Variants in AGBL1 observed in about 807,000 individuals in gnomAD.
AGBL1 encodes the protein cytosolic carboxypeptidase 4.
A neutral mutation model predicts 118.9 loss-of-function variants in AGBL1; 130 were observed. The observed-to-expected ratio is 1.09, with a 90% confidence interval of 0.95 to 1.26. AGBL1 has a LOEUF of 1.26. Among genes scored for constraint, AGBL1 ranks in the 50% most tolerant of loss-of-function variants. AGBL1 has a pLI of 0.00. For missense variants in AGBL1, 1,584 were observed against 1,298.1 expected, an observed-to-expected ratio of 1.22 and a Z score of -3.38; for synonymous variants, 555 against 478.9, an observed-to-expected ratio of 1.16 and a Z score of -2.08.
At chr15:86,481,799 G>A (rs550883599) in intron 18 of AGBL1, among the ~76,000 whole-genome samples, 1 of 152,080 alleles carries the variant, frequency 6.6e-6, no homozygotes, top group South Asian at 2.1e-4. Context: ...CGGTCACCTG[G>A]TTTGTTGTTC....
intron 21 of AGBL1, among the ~76,000 whole-genome samples, chr15:86,665,672 C>G (rs2085631851): frequency 1.3e-5 from 2 of 152,022 alleles, no homozygotes; most frequent in Non-Finnish European, 2.9e-5. Context: ...CATTGAAAAA[C>G]CTTCTCCTGG....
chr15:86,729,396 T>C (rs1015554775), intron 22 of AGBL1, among the ~76,000 whole-genome samples: 59 of 152,150 alleles, frequency 3.9e-4, no homozygotes, highest in African/African-American at 1.3e-3. Flanking sequence ...GTAGTGAGCA[T>C]AGTACCCAAT....
chr15:86,486,129 G>C (rs975564964), intron 18 of AGBL1, among the ~76,000 whole-genome samples: 1 of 152,092 alleles, frequency 6.6e-6, no homozygotes, highest in Non-Finnish European at 1.5e-5. Context: ...ATGGCTGGCT[G>C]ACAGTTTTGT....
intron 6 of AGBL1, among the ~76,000 whole-genome samples, chr15:86,245,768 C>T (rs186908659): frequency 3.3e-5 from 5 of 152,300 alleles, no homozygotes; most frequent in East Asian, 1.9e-4. Context: ...GGTGGGCTTC[C>T]GAACTTTACC....
chr15:86,178,287 C>T (rs1899855), intron 5 of AGBL1, among the ~76,000 whole-genome samples: 123,719 of 152,128 alleles, frequency 0.81, 50,612 homozygotes, highest in African/African-American at 0.88. Context: ...CACTCCAGCC[C>T]GATGACAGAG....
intron 22 of AGBL1, among the ~76,000 whole-genome samples, chr15:86,831,260 C>T (rs2079100332): frequency 6.6e-6 from 1 of 152,098 alleles, no homozygotes; most frequent in African/African-American, 2.4e-5. Flanking sequence ...TCATTAAACC[C>T]CTGTACCCTC....
intron 23 of AGBL1, among the ~76,000 whole-genome samples, chr15:86,940,816 A>G (rs2080741751): frequency 6.6e-6 from 1 of 152,140 alleles, no homozygotes; most frequent in Admixed American, 6.5e-5. Context: ...TCACTTTTCT[A>G]TTGTTTTGTT....
intron 18 of AGBL1, among the ~76,000 whole-genome samples, chr15:86,434,272 T>G (rs558726232): frequency 6.6e-6 from 1 of 152,234 alleles, no homozygotes; most frequent in African/African-American, 2.4e-5. Context: ...CCCAGTTATC[T>G]GACAACATGT....
At chr15:86,981,566 T>C (rs1239675963) in intron 23 of AGBL1, among the ~76,000 whole-genome samples, 1 of 152,238 alleles carries the variant, frequency 6.6e-6, no homozygotes, top group Admixed American at 6.5e-5. Context: ...TAAGTGCTCT[T>C]TACATAGTTC....
At chr15:86,463,800 T>A (rs192479053) in intron 18 of AGBL1, among the ~76,000 whole-genome samples, 123 of 152,332 alleles carry the variant, frequency 8.1e-4, no homozygotes, top group African/African-American at 2.9e-3. Context: ...TTGGTCTATA[T>A]ATCTGTTTTC....
At chr15:86,599,475 A>G (rs940916958) in intron 21 of AGBL1, among the ~76,000 whole-genome samples, 7 of 151,858 alleles carry the variant, frequency 4.6e-5, no homozygotes, top group Admixed American at 3.9e-4. Context: ...CTCTGGCTTT[A>G]TTTTTATGTT....
Position 86,079,955 on chromosome 15 carries a change from C to T in AGBL1, c.-18C>T, listed in dbSNP as rs1895155609. 8.1e-7 allele frequency: 1 copy of T among 1,232,156 alleles called. No individual in the cohort carries two copies. Among genetic ancestry groups the T allele is most frequent in the Non-Finnish European group, 1.0e-6 (1 of 987,952 alleles). 76.3% of individuals were successfully genotyped at this position (1,232,156 alleles called of 1,614,324 possible). Reference sequence around the variant, plus strand: ...GGATCTGGCCGCAGGCAGCGGTTCCCTAGGACCCGAGAAAAGGATGGCCGA... The same window carrying T: ...GGATCTGGCCGCAGGCAGCGGTTCCTTAGGACCCGAGAAAAGGATGGCCGA... On this transcript the variant is annotated 5_prime_UTR_variant, in exon 1 of 23. Transcript: ENST00000614907.
chr15:86,822,533 G>C (rs1187427886), intron 22 of AGBL1, among the ~76,000 whole-genome samples: 1 of 152,126 alleles, frequency 6.6e-6, no homozygotes. Flanking sequence ...GATATGCAGT[G>C]GTTGTGGTGA....
intron 18 of AGBL1, among the ~76,000 whole-genome samples, chr15:86,500,839 T>C (rs566834417): frequency 1.3e-5 from 2 of 151,920 alleles, no homozygotes; most frequent in Admixed American, 1.3e-4. Flanking sequence ...ATTTTGTTTC[T>C]TTCTATGGCT....
intron 5 of AGBL1, among the ~76,000 whole-genome samples, chr15:86,182,829 A>C (rs1481362277): frequency 6.6e-6 from 1 of 152,164 alleles, no homozygotes; most frequent in Non-Finnish European, 1.5e-5. Flanking sequence ...AGGAAACCCT[A>C]GTAGTACAAT....
At chr15:86,564,711 T>C (rs1047829304) in intron 21 of AGBL1, among the ~76,000 whole-genome samples, 1 of 152,238 alleles carries the variant, frequency 6.6e-6, no homozygotes, top group African/African-American at 2.4e-5. Context: ...TCCTGGATAA[T>C]ATCTTGCAGA....
chr15:86,866,903 C>T (rs1406949948), intron 22 of AGBL1, among the ~76,000 whole-genome samples: 1 of 152,154 alleles, frequency 6.6e-6, no homozygotes, highest in Non-Finnish European at 1.5e-5. Context: ...AAAAGCTTCC[C>T]AGAGAAGAGA....
At chr15:86,958,985 A>T (rs149017163) in intron 23 of AGBL1, among the ~76,000 whole-genome samples, 237 of 152,264 alleles carry the variant, frequency 1.6e-3, no homozygotes, top group African/African-American at 5.4e-3. Context: ...ACACTCAGAA[A>T]CAATAATATA....
At chr15:86,637,615 AC>A (rs906919987) in intron 21 of AGBL1, among the ~76,000 whole-genome samples, 4 of 152,250 alleles carry the variant, frequency 2.6e-5, no homozygotes, top group Non-Finnish European at 5.9e-5. Flanking sequence ...AGAAAGCAGT[AC>A]TAGCAAAGGC....
Sources: allele counts gnomAD v4.1 joint callset (sites outside exome capture counted in the v4.1 genomes callset), GRCh38; gene constraint gnomAD v4.1.1; transcripts MANE v1.5; gene names NCBI Gene and HGNC (gene_info 2026-07-23, HGNC 2026-07-21).